Variants in MYLK observed in about 807,000 individuals in gnomAD.
MYLK encodes myosin light chain kinase, smooth muscle.
A neutral mutation model predicts 203.4 loss-of-function variants in MYLK; 106 were observed. The ratio of observed to expected loss-of-function variants is 0.52; its 90% confidence interval spans 0.45 to 0.61. The LOEUF (loss-of-function observed/expected upper bound fraction) is 0.61, where lower values mean the gene tolerates loss of function less well. MYLK is among the 20% of genes least tolerant of loss of function. MYLK has a pLI of 0.00. For missense variants in MYLK, 2,072 were observed against 2,442.3 expected (o/e 0.85, Z 3.20); for synonymous variants, 867 against 959.5 (o/e 0.90, Z 1.78).
At chr3:123,786,618 A>G (rs1261734019) in intron 4 of MYLK, among the ~76,000 whole-genome samples, 1 of 151,858 alleles carries the variant, frequency 6.6e-6, no homozygotes, top group Non-Finnish European at 1.5e-5. Flanking sequence ...CCTATAGTCA[A>G]TAATAATTGT....
chr3:123,679,643 T>C lies in MYLK; in HGVS notation c.3652+2581A>G, dbSNP rs372432889. ...GAGCAAGATGTCTGAAATTCCAACA[T>C]GGGGGCTCTGCACACAGAGTGAAAT... is the stretch of plus-strand genomic sequence containing the variant. On this transcript the variant is annotated intron_variant, in intron 20 of 33. Coordinates refer to ENST00000360304, the MANE Select transcript of MYLK (RefSeq NM_053025.4). 2.6e-5 allele frequency among the ~76,000 whole-genome samples: 4 copies of C among 152,054 alleles called. No individual in the cohort carries two copies. The South Asian group carries it at 8.3e-4, about 32-fold the overall frequency.
chr3:123,735,549 C>A, intron 8 of MYLK, 133 bp from the exon 9 acceptor site: 1 of 989,612 alleles, frequency 1.0e-6, no homozygotes, highest in Non-Finnish European at 1.6e-6. Flanking sequence ...TGCTGAACGT[C>A]TTTGGCCTTT....
intron 19 of MYLK, among the ~76,000 whole-genome samples, chr3:123,686,556 T>C (rs1013759583): frequency 1.2e-4 from 19 of 152,122 alleles, no homozygotes; most frequent in African/African-American, 4.3e-4. Flanking sequence ...GGCCTCTCTC[T>C]CTGACTGAGT....
At chr3:123,688,037 C>A (rs761722891) in intron 19 of MYLK, among the ~76,000 whole-genome samples, 3 of 152,112 alleles carry the variant, frequency 2.0e-5, no homozygotes, top group Non-Finnish European at 2.9e-5. Flanking sequence ...CCCCCATCTC[C>A]TGGGTTTCTT....
intron 31 of MYLK, chr3:123,620,660 A>AGTT (rs2057806022): frequency 9.0e-7 from 1 of 1,110,182 alleles, no homozygotes; most frequent in African/African-American, 1.6e-5. Context: ...TATATAAAGC[A>AGTT]ACTGCAGGCT....
intron 12 of MYLK, among the ~76,000 whole-genome samples, chr3:123,723,965 A>C (rs1176195554): frequency 1.3e-5 from 2 of 152,132 alleles, no homozygotes; most frequent in Non-Finnish European, 2.9e-5. Context: ...AATTATGTGA[A>C]ACTCACATTT....
At chr3:123,726,529 G>T (rs529144544) in intron 11 of MYLK, among the ~76,000 whole-genome samples, 20 of 152,128 alleles carry the variant, frequency 1.3e-4, no homozygotes, top group Non-Finnish European at 2.5e-4. Context: ...TAAGCCACAG[G>T]CTCACAGGTG....
At chr3:123,704,055 G>A (rs2061354432) in intron 16 of MYLK, among the ~76,000 whole-genome samples, 1 of 152,220 alleles carries the variant, frequency 6.6e-6, no homozygotes, top group Admixed American at 6.5e-5. Flanking sequence ...AAGGTGGGGA[G>A]CACAGACTCA....
chr3:123,729,970 T>C (rs1369287084), intron 11 of MYLK, among the ~76,000 whole-genome samples: 1 of 151,482 alleles, frequency 6.6e-6, no homozygotes, highest in Non-Finnish European at 1.5e-5. Flanking sequence ...CTCATGCTTA[T>C]AATCCCAGTG....
rs138651257 is a variant in MYLK at position 123,784,885 on chromosome 3, G to A, written c.165+8792C>T. Among the ~76,000 whole-genome samples the A allele has an allele frequency of 1.0e-2, 1,517 of 152,312 alleles. 34 individuals carry two copies. The highest frequency in any genetic ancestry group is 0.035 in the African/African-American group (1,466 of 41,560). On this transcript the variant is annotated intron_variant, in intron 4 of 33. Transcript: ENST00000360304. ...GTCTATTAGCAGGCTTCACATAGAG[G>A]ACTTGGTCATAGTCACAGGCTTGGT...
intron 2 of MYLK, among the ~76,000 whole-genome samples, chr3:123,856,559 A>G (rs969239773): frequency 1.3e-5 from 2 of 152,220 alleles, no homozygotes; most frequent in African/African-American, 4.8e-5. Flanking sequence ...TTTATGTATT[A>G]CAGTGCATTT....
At position 123,720,543 on chromosome 3, in the gene MYLK, A is replaced by C. The variant is rs1327462824; in HGVS notation, c.1804+1585T>G. On this transcript the variant is annotated intron_variant, in intron 13 of 33. Coordinates refer to ENST00000360304, the MANE Select transcript of MYLK (RefSeq NM_053025.4). ...CCCCCAGGTGAGTCCTGCTTCCTGG[A>C]CCTCAGAGACAAGGTTCTCAGCAGT... Among the ~76,000 whole-genome samples, 3 of 152,162 alleles carry C rather than the reference A, an allele frequency of 2.0e-5. No individual in the cohort carries two copies. The South Asian group carries it at 6.2e-4, about 32-fold the overall frequency.
rs186564739 is a variant in MYLK, at chr3:123,836,830, G to A, written c.-126-5160C>T. The stretch of plus-strand genomic sequence containing the variant: ...TAGTAGAGAGGAGTTTGACCACTAG[G>A]TAGAACTCAAAGCATCAGGATGACT... On this transcript the variant is annotated intron_variant, in intron 2 of 33. Transcript: ENST00000360304. 5.0e-4 allele frequency among the ~76,000 whole-genome samples: 76 copies of A among 152,282 alleles called. 1 individual carries two copies. Among genetic ancestry groups the A allele is most frequent in the Non-Finnish European group, 7.4e-5 (5 of 68,020 alleles).
chr3:123,837,205 C>T (rs2682205), intron 2 of MYLK, among the ~76,000 whole-genome samples: 152,167 of 152,180 alleles, frequency 1, 76,077 homozygotes, highest in Middle Eastern at 1. Context: ...GCTAATTTTG[C>T]ACTTTTAGTA....
chr3:123,752,195 TC>T, intron 5 of MYLK, 135 bp downstream of exon 5: 1 of 893,934 alleles, frequency 1.1e-6, no homozygotes, highest in South Asian at 1.3e-5. Context: ...GATTGGAAGG[TC>T]CGGGGTTCAA....
chr3:123,732,960 T>G lies in MYLK; in HGVS notation c.1452A>C (p.Thr484=). 6.2e-7 allele frequency: 1 copy of G among 1,614,212 alleles called. No individual in the cohort carries two copies. Among genetic ancestry groups the G allele is most frequent in the Non-Finnish European group, 8.5e-7 (1 of 1,180,044 alleles). The part of the protein sequence containing the change: ...LLKARTRDSG[T]YSCTASNAQG... Reference sequence around the variant, plus strand: ...GGGCGTTGGAAGCAGTGCAGCTGTATGTCCCACTGTCCCTGGTCCGGGCTT... The same window carrying G: ...GGGCGTTGGAAGCAGTGCAGCTGTAGGTCCCACTGTCCCTGGTCCGGGCTT... The change falls in exon 11 of 34, where the codon ACA becomes ACC. Residue 484 remains threonine (T), a synonymous_variant. Coordinates refer to ENST00000360304, the MANE Select transcript of MYLK (RefSeq NM_053025.4).
rs908354575 is a variant in MYLK at position 123,745,564 on chromosome 3, A to G, written c.374-5563T>C. Among the ~76,000 whole-genome samples, 5 of 152,218 alleles carry G rather than the reference A, an allele frequency of 3.3e-5. No individual in the cohort carries two copies. The South Asian group carries it at 1.0e-3, about 31-fold the overall frequency. ...CAGATATTATTCTAGATTTTGTTGT[A>G]CATGTTAGTCTACTTGTTGAAGCTC... On this transcript the variant is annotated intron_variant, in intron 5 of 33. Transcript: ENST00000360304.
At chr3:123,625,353 C>T (rs933277439) in intron 31 of MYLK, 2 of 152,152 alleles carry the variant, frequency 1.3e-5, no homozygotes, top group African/African-American at 4.8e-5. Context: ...CTACGTAGTC[C>T]CTGAGTAAGG....
chr3:123,731,842 T>G (rs1022999331), intron 11 of MYLK, among the ~76,000 whole-genome samples: 6 of 152,076 alleles, frequency 3.9e-5, no homozygotes, highest in African/African-American at 1.4e-4. Flanking sequence ...TCCTTTATAT[T>G]AAATCTTATC....
Sources: gnomAD v4.1 joint callset for allele counts (sites outside exome capture counted in the v4.1 genomes callset) on GRCh38, gnomAD v4.1.1 for gene constraint, MANE v1.5 for transcripts, NCBI Gene and HGNC (gene_info 2026-07-23, HGNC 2026-07-21) for gene names.